LRRTM4: variants seen among roughly 807,000 people sequenced by gnomAD.
LRRTM4 encodes leucine rich repeat transmembrane neuronal 4.
In LRRTM4, 25 loss-of-function variants were observed where a neutral mutation model predicts 47.6. That is an observed-to-expected ratio of 0.53 (90% CI 0.38 to 0.73). The LOEUF is 0.73. Among genes scored for constraint, LRRTM4 ranks in the 30% least tolerant of loss-of-function variants. The pLI is 0.00. For missense variants in LRRTM4, 638 were observed against 713.4 expected (o/e 0.89, Z 1.20); for synonymous variants, 311 against 269.5 (o/e 1.15, Z -1.51).
chr2:76,831,112 C>T (rs554598228), intron 3 of LRRTM4, among the ~76,000 whole-genome samples: 1 of 152,110 alleles, frequency 6.6e-6, no homozygotes, highest in South Asian at 2.1e-4. Flanking sequence ...GATTGCCTTT[C>T]TTTAATTTTA....
At chr2:77,221,065 A>G (rs1487276312) in intron 3 of LRRTM4, among the ~76,000 whole-genome samples, 1 of 150,812 alleles carries the variant, frequency 6.6e-6, no homozygotes, top group Non-Finnish European at 1.5e-5. Context: ...ATTCTTAAAG[A>G]AAAGAATTTT....
rs13390854 is a variant in LRRTM4 at position 76,918,893 on chromosome 2, A to G, written c.1552-169977T>C. Among the ~76,000 whole-genome samples the G allele has an allele frequency of 4.3e-3, 650 of 152,328 alleles. 1 individual carries two copies. The highest frequency in any genetic ancestry group is 0.015 in the African/African-American group (630 of 41,574). ...ACATTTCATACTAACTTCGATCAAG[A>G]TAACCCTTTGGCTCAACCATTTACT... On this transcript the variant is annotated intron_variant, in intron 3 of 3. Transcript: ENST00000409884.
At chr2:77,191,052 T>C (rs1368159039) in intron 3 of LRRTM4, among the ~76,000 whole-genome samples, 1 of 152,184 alleles carries the variant, frequency 6.6e-6, no homozygotes, top group African/African-American at 2.4e-5. Context: ...AATATAATTA[T>C]AGCAAACTTT....
At chr2:76,833,048 T>A (rs1671400110) in intron 3 of LRRTM4, among the ~76,000 whole-genome samples, 1 of 152,122 alleles carries the variant, frequency 6.6e-6, no homozygotes, top group African/African-American at 2.4e-5. Flanking sequence ...GATGTTGAAT[T>A]GTTTAAAGCT....
At chr2:77,007,798 G>T (rs940388569) in intron 3 of LRRTM4, among the ~76,000 whole-genome samples, 1 of 152,116 alleles carries the variant, frequency 6.6e-6, no homozygotes, top group African/African-American at 2.4e-5. Context: ...TAGAAAATTG[G>T]CTCTTTTCCT....
chr2:77,347,753 T>C (rs10176548), intron 3 of LRRTM4, among the ~76,000 whole-genome samples: 3,008 of 152,260 alleles, frequency 0.02, 107 homozygotes, highest in African/African-American at 0.068. Flanking sequence ...TTGATTTTTA[T>C]TGTGTTCATG....
chr2:76,931,242 A>T (rs146648830), intron 3 of LRRTM4, among the ~76,000 whole-genome samples: 26 of 152,346 alleles, frequency 1.7e-4, no homozygotes, highest in Non-Finnish European at 3.5e-4. Flanking sequence ...GAAAGTCATT[A>T]AACAGAAGTG....
chr2:77,049,155 T>TATATATATATATAC (rs1553377463), intron 3 of LRRTM4, among the ~76,000 whole-genome samples: 2 of 125,804 alleles, frequency 1.6e-5, no homozygotes, highest in Non-Finnish European at 3.1e-5. Flanking sequence ...TATATATATA[T>TATATATATATATAC]ATACACACAC....
At chr2:76,985,909 T>C (rs887127075) in intron 3 of LRRTM4, 1 of 151,934 alleles carries the variant, frequency 6.6e-6, no homozygotes, top group African/African-American at 2.4e-5. Flanking sequence ...CATTCTTACT[T>C]AGAGATTTCA....
chr2:77,433,372 GA>G (rs1245708903), intron 3 of LRRTM4, among the ~76,000 whole-genome samples: 6 of 151,928 alleles, frequency 3.9e-5, no homozygotes, highest in Non-Finnish European at 7.4e-5. Flanking sequence ...TATATTTTGA[GA>G]AAAAAAGAAG....
intron 3 of LRRTM4, among the ~76,000 whole-genome samples, chr2:77,136,219 G>A (rs1671937316): frequency 6.6e-6 from 1 of 152,154 alleles, no homozygotes; most frequent in Non-Finnish European, 1.5e-5. Context: ...TAACTGGGAG[G>A]CACCCTCCAG....
chr2:77,128,516 T>A (rs1671712966), intron 3 of LRRTM4, among the ~76,000 whole-genome samples: 1 of 152,214 alleles, frequency 6.6e-6, no homozygotes, highest in South Asian at 2.1e-4. Context: ...CAATAAGCAA[T>A]GCTACCTCAG....
intron 3 of LRRTM4, among the ~76,000 whole-genome samples, chr2:77,041,152 C>A (rs980806898): frequency 1.3e-5 from 2 of 151,470 alleles, no homozygotes. Context: ...TAGATTCCAC[C>A]TATGAGTGAG....
At chr2:77,173,161 A>T (rs916832742) in intron 3 of LRRTM4, among the ~76,000 whole-genome samples, 1 of 152,172 alleles carries the variant, frequency 6.6e-6, no homozygotes, top group Non-Finnish European at 1.5e-5. Context: ...AAACCCAGGG[A>T]TTAGGTGGCA....
At chr2:77,379,209 T>C (rs1672954187) in intron 3 of LRRTM4, among the ~76,000 whole-genome samples, 1 of 152,134 alleles carries the variant, frequency 6.6e-6, no homozygotes, top group South Asian at 2.1e-4. Context: ...ATATTGAACT[T>C]TTATTGGCAG....
intron 3 of LRRTM4, among the ~76,000 whole-genome samples, chr2:77,052,719 G>A (rs943743336): frequency 1.4e-5 from 2 of 148,142 alleles, no homozygotes; most frequent in African/African-American, 5.2e-5. Context: ...TGTGTGCGTA[G>A]GGGTGTGTGT....
chr2:77,053,698 T>C, intron 3 of LRRTM4, among the ~76,000 whole-genome samples: 1 of 152,162 alleles, frequency 6.6e-6, no homozygotes, highest in East Asian at 1.9e-4. Context: ...AATGAGTCTC[T>C]TTGCCAAACA....
intron 3 of LRRTM4, among the ~76,000 whole-genome samples, chr2:76,842,231 T>C (rs1671704920): frequency 6.6e-6 from 1 of 152,188 alleles, no homozygotes; most frequent in Admixed American, 6.5e-5. Context: ...TCGGTGCTTC[T>C]GGTTCCCTGC....
At chr2:77,068,595 T>C (rs548681586) in intron 3 of LRRTM4, among the ~76,000 whole-genome samples, 1 of 152,358 alleles carries the variant, frequency 6.6e-6, no homozygotes, top group African/African-American at 2.4e-5. Context: ...TAATTGTATA[T>C]GTTTTCAACG....
Sources: allele counts gnomAD v4.1 joint callset (sites outside exome capture counted in the v4.1 genomes callset), GRCh38; gene constraint gnomAD v4.1.1; transcripts MANE v1.5; gene names NCBI Gene and HGNC (gene_info 2026-07-23, HGNC 2026-07-21).